The following SLC35F4 variants were observed in gnomAD, a reference collection of about 807,000 sequenced individuals.
SLC35F4 encodes the protein chromosome 14 open reading frame 36.
SLC35F4 carries 24 observed loss-of-function variants against 44.2 expected under a neutral mutation model. The observed-to-expected ratio is 0.54, with a 90% CI of 0.39 to 0.76. The LOEUF is 0.76. SLC35F4 is among the 30% of genes least tolerant of loss of function. SLC35F4 has a pLI of 0.00. For synonymous variants in SLC35F4, 238 were observed against 223.6 expected (o/e 1.06, Z -0.57); for missense variants, 562 against 586.1 (o/e 0.96, Z 0.42).
At chr14:57,587,870 C>CAAAAAAAAAAA (rs60521934) in intron 3 of SLC35F4, among the ~76,000 whole-genome samples, 2 of 125,012 alleles carry the variant, frequency 1.6e-5, no homozygotes, top group East Asian at 2.2e-4. Context: ...ATGCACCTTC[C>CAAAAAAAAAAA]AAAAAAAAAA....
At chr14:57,680,388 C>T (rs1020915961) in intron 1 of SLC35F4, among the ~76,000 whole-genome samples, 1 of 152,036 alleles carries the variant, frequency 6.6e-6, no homozygotes, top group African/African-American at 2.4e-5. Flanking sequence ...ATAATAAAGG[C>T]TATTGATGAC....
At chr14:57,969,465 A>G (rs905868993) in intron 1 of SLC35F4, among the ~76,000 whole-genome samples, 1 of 152,224 alleles carries the variant, frequency 6.6e-6, no homozygotes, top group African/African-American at 2.4e-5. Context: ...TTATAATATG[A>G]AAGAGAAATT....
chr14:57,757,846 T>A (rs555057642), intron 1 of SLC35F4, among the ~76,000 whole-genome samples: 1 of 152,302 alleles, frequency 6.6e-6, no homozygotes, highest in South Asian at 2.1e-4. Flanking sequence ...CATTCTTTTA[T>A]GTAGATTTGG....
chr14:57,946,302 A>C (rs187850291), intron 1 of SLC35F4, among the ~76,000 whole-genome samples: 1 of 152,218 alleles, frequency 6.6e-6, no homozygotes, highest in Non-Finnish European at 1.5e-5. Flanking sequence ...TGATTTTTAC[A>C]CAAGGTGAGA....
chr14:57,897,719 A>G (rs1888910405), intron 1 of SLC35F4, among the ~76,000 whole-genome samples: 1 of 152,172 alleles, frequency 6.6e-6, no homozygotes, highest in South Asian at 2.1e-4. Flanking sequence ...TCTCAAATGG[A>G]AAATAATTTG....
intron 1 of SLC35F4, among the ~76,000 whole-genome samples, chr14:57,673,184 G>A (rs1326996408): frequency 2.0e-5 from 3 of 152,074 alleles, no homozygotes; most frequent in African/African-American, 7.3e-5. Flanking sequence ...TAAGAAGCAT[G>A]AACAACACAA....
intron 1 of SLC35F4, among the ~76,000 whole-genome samples, chr14:57,598,336 A>G (rs2070613724): frequency 6.6e-6 from 1 of 152,228 alleles, no homozygotes; most frequent in Admixed American, 6.5e-5. Flanking sequence ...TGCTTGTCCA[A>G]TTTCTGTCAC....
intron 1 of SLC35F4, among the ~76,000 whole-genome samples, chr14:57,931,330 A>G (rs1889692954): frequency 6.6e-6 from 1 of 152,218 alleles, no homozygotes; most frequent in Non-Finnish European, 1.5e-5. Flanking sequence ...TCAACTTTGA[A>G]TTTTGAATTG....
At chr14:57,930,551 A>G (rs1889678919) in intron 1 of SLC35F4, among the ~76,000 whole-genome samples, 1 of 152,178 alleles carries the variant, frequency 6.6e-6, no homozygotes, top group South Asian at 2.1e-4. Context: ...AAGGTGCCGT[A>G]AGAGGGTAGC....
At chr14:57,787,709 A>G (rs2140783667) in intron 1 of SLC35F4, among the ~76,000 whole-genome samples, 1 of 152,338 alleles carries the variant, frequency 6.6e-6, no homozygotes, top group African/African-American at 2.4e-5. Flanking sequence ...ACAAATCCTG[A>G]GAGAATTCGC....
In SLC35F4 at chr14:57,806,841, G is replaced by A. The variant is rs76754951; in HGVS notation, c.103+58882C>T. Among the ~76,000 whole-genome samples the A allele has an allele frequency of 3.8e-3, 573 of 152,226 alleles. 4 individuals are homozygous for A. The highest frequency in any genetic ancestry group is 0.013 in the African/African-American group (549 of 41,540). On this transcript the variant is annotated intron_variant, in intron 1 of 7. Transcript: ENST00000556826. Reference sequence around the variant, plus strand: ...AATTTTGAATATATCAATATTTAGTGTTTGTATTTCCAAAGCAAACATTTG... The same window carrying A: ...AATTTTGAATATATCAATATTTAGTATTTGTATTTCCAAAGCAAACATTTG...
chr14:57,654,218 T>C (rs752611514), intron 1 of SLC35F4, among the ~76,000 whole-genome samples: 1 of 152,188 alleles, frequency 6.6e-6, no homozygotes, highest in Admixed American at 6.5e-5. Flanking sequence ...TGGCGATTTC[T>C]GGGGTTTTTG....
At chr14:57,608,280 G>A (rs1038756142) in intron 1 of SLC35F4, among the ~76,000 whole-genome samples, 1 of 152,188 alleles carries the variant, frequency 6.6e-6, no homozygotes, top group Non-Finnish European at 1.5e-5. Flanking sequence ...CTTATTTAGA[G>A]ATAACACCTT....
intron 1 of SLC35F4, among the ~76,000 whole-genome samples, chr14:57,708,892 C>A (rs2075745505): frequency 6.6e-6 from 1 of 152,274 alleles, no homozygotes; most frequent in Non-Finnish European, 1.5e-5. Context: ...CCCTGCCTGG[C>A]AGCTGAGGCA....
chr14:57,922,703 A>T (rs1417215221), intron 1 of SLC35F4, among the ~76,000 whole-genome samples: 1 of 152,140 alleles, frequency 6.6e-6, no homozygotes, highest in Non-Finnish European at 1.5e-5. Context: ...AAATCTCTGG[A>T]ATGGACAATT....
intron 1 of SLC35F4, among the ~76,000 whole-genome samples, chr14:57,960,646 G>A (rs1472048675): frequency 2.0e-5 from 3 of 152,216 alleles, no homozygotes; most frequent in Non-Finnish European, 4.4e-5. Flanking sequence ...GACTCTGGCA[G>A]GGGAAGTAAC....
upstream of SLC35F4, among the ~76,000 whole-genome samples, chr14:57,870,343 G>T (rs1566917345): frequency 6.6e-6 from 1 of 152,048 alleles, no homozygotes; most frequent in Non-Finnish European, 1.5e-5. Context: ...ACGGACTTTG[G>T]AGCAGACTGC....
chr14:57,908,344 T>C (rs2141049728), intron 1 of SLC35F4, among the ~76,000 whole-genome samples: 1 of 152,354 alleles, frequency 6.6e-6, no homozygotes, highest in Non-Finnish European at 1.5e-5. Context: ...TATTTCTCGT[T>C]CTAGATCCTT....
chr14:57,720,979 C>CATATATATATATATATATAT (rs3062932), intron 1 of SLC35F4, among the ~76,000 whole-genome samples: 1 of 49,804 alleles, frequency 2.0e-5, no homozygotes, highest in Non-Finnish European at 4.0e-5. Flanking sequence ...ATAAACTCCT[C>CATATATATATATATATATAT]ATATATATAT....
Sources: gnomAD v4.1 joint callset for allele counts (sites outside exome capture counted in the v4.1 genomes callset) on GRCh38, gnomAD v4.1.1 for gene constraint, MANE v1.5 for transcripts, NCBI Gene and HGNC (gene_info 2026-07-23, HGNC 2026-07-21) for gene names.